NRG3: variants seen among roughly 807,000 people sequenced by gnomAD.
NRG3 encodes the protein pro-neuregulin-3, membrane-bound isoform.
In NRG3, 31 loss-of-function variants were observed where a neutral mutation model predicts 66.9. That is an observed-to-expected ratio of 0.46 (90% confidence interval 0.35 to 0.63). NRG3 has a LOEUF of 0.63. NRG3 is among the 20% of genes least tolerant of loss of function. NRG3 has a pLI of 0.00. For synonymous variants in NRG3, 393 were observed against 359.4 expected (o/e 1.09, Z -1.06); for missense variants, 910 against 878.9 (o/e 1.04, Z -0.45).
intron 2 of NRG3, among the ~76,000 whole-genome samples, chr10:82,465,828 A>G (rs1467720109): frequency 6.6e-6 from 1 of 152,152 alleles, no homozygotes; most frequent in Non-Finnish European, 1.5e-5. Context: ...AATACCTTTA[A>G]AATGGGCTTA....
chr10:82,900,716 C>A (rs1297309779), intron 4 of NRG3, among the ~76,000 whole-genome samples: 1 of 152,066 alleles, frequency 6.6e-6, no homozygotes, highest in Non-Finnish European at 1.5e-5. Context: ...GAAAATGAGA[C>A]CCAGACACAC....
chr10:82,808,460 T>C (rs1378371468), intron 3 of NRG3, among the ~76,000 whole-genome samples: 1 of 152,212 alleles, frequency 6.6e-6, no homozygotes, highest in Admixed American at 6.5e-5. Flanking sequence ...AGTGACATTA[T>C]GTAATTAAAC....
At chr10:81,921,507 T>G (rs1326320461) in intron 1 of NRG3, among the ~76,000 whole-genome samples, 1 of 152,140 alleles carries the variant, frequency 6.6e-6, no homozygotes, top group Non-Finnish European at 1.5e-5. Context: ...ACTTGTTAAG[T>G]AAGACTTTCC....
At chr10:82,110,877 T>C (rs2067344969) in intron 1 of NRG3, among the ~76,000 whole-genome samples, 1 of 152,092 alleles carries the variant, frequency 6.6e-6, no homozygotes, top group African/African-American at 2.4e-5. Context: ...ATAGTTGTTA[T>C]TGAAAGCCAT....
chr10:81,993,569 A>G (rs113134785), intron 1 of NRG3, among the ~76,000 whole-genome samples: 2 of 151,934 alleles, frequency 1.3e-5, no homozygotes, highest in African/African-American at 4.8e-5. Context: ...TTGGCCTTGA[A>G]CTCCTGGCCT....
chr10:82,956,041 G>A lies in NRG3; in HGVS notation c.1158-2908G>A, dbSNP rs551707671. Among the ~76,000 whole-genome samples, 15 of 151,878 alleles carry A rather than the reference G, an allele frequency of 9.9e-5. No homozygotes were observed. In the South Asian group the frequency reaches 2.9e-3, roughly 29 times the overall value. Reference sequence around the variant, plus strand: ...AATTCTGCTTCCATTTCTTCCCTTTGCTTCCACAGGTGTTGATACCAAGAG... The same window carrying A: ...AATTCTGCTTCCATTTCTTCCCTTTACTTCCACAGGTGTTGATACCAAGAG... On this transcript the variant is annotated intron_variant, in intron 5 of 8. Coordinates refer to ENST00000372141, the MANE Select transcript of NRG3 (RefSeq NM_001010848.4).
In NRG3 at chr10:82,602,935, A is replaced by G. The variant is rs139200662; in HGVS notation, c.954-135642A>G. ...CTAAGGAGACAATGAGACTCAACCA[A>G]TTCCAGTTTGCATGTGGCAAAATAA... is the stretch of plus-strand genomic sequence containing the variant. On this transcript the variant is annotated intron_variant, in intron 2 of 8. Coordinates refer to ENST00000372141, the MANE Select transcript of NRG3 (RefSeq NM_001010848.4). Among the ~76,000 whole-genome samples, 108 of 152,316 alleles carry G rather than the reference A, an allele frequency of 7.1e-4. No individual in the cohort carries two copies. The Middle Eastern group carries it at 0.014, about 19-fold the overall frequency.
At chr10:82,216,118 A>T (rs1188027960) in intron 1 of NRG3, among the ~76,000 whole-genome samples, 1 of 151,300 alleles carries the variant, frequency 6.6e-6, no homozygotes, top group Admixed American at 6.6e-5. Flanking sequence ...GATTACAGGC[A>T]CACACTGCAC....
At chr10:82,314,462 A>T (rs72827334) in intron 1 of NRG3, among the ~76,000 whole-genome samples, 15,931 of 148,686 alleles carry the variant, frequency 0.11, 1,067 homozygotes, top group Non-Finnish European at 0.16. Flanking sequence ...TTTAAAATTT[A>T]AAAAAAAAAT....
intron 1 of NRG3, chr10:82,232,923 G>A (rs867746605): frequency 1.4e-6 from 1 of 691,674 alleles, no homozygotes; most frequent in African/African-American, 1.8e-5. Context: ...CAGAATTTGG[G>A]AAACAGGAGT....
chr10:82,929,031 CAGA>C (rs1306181473), intron 4 of NRG3, among the ~76,000 whole-genome samples: 3 of 152,152 alleles, frequency 2.0e-5, no homozygotes, highest in African/African-American at 7.2e-5. Context: ...ACCAATGTCT[CAGA>C]ATCATCAACA....
At chr10:82,066,087 A>AT (rs2064443373) in intron 1 of NRG3, among the ~76,000 whole-genome samples, 1 of 152,126 alleles carries the variant, frequency 6.6e-6, no homozygotes, top group African/African-American at 2.4e-5. Context: ...ATTTTGTTTC[A>AT]TTTTTAATTT....
intron 1 of NRG3, among the ~76,000 whole-genome samples, chr10:82,079,016 A>C (rs1392719877): frequency 6.6e-6 from 1 of 151,942 alleles, no homozygotes; most frequent in Non-Finnish European, 1.5e-5. Context: ...TGTTGATAAA[A>C]CGTGTTGTAT....
intron 1 of NRG3, among the ~76,000 whole-genome samples, chr10:82,268,484 T>C (rs1167287589): frequency 1.3e-5 from 2 of 152,168 alleles, no homozygotes; most frequent in Admixed American, 6.6e-5. Flanking sequence ...TTCTGAAATA[T>C]TCACCTTCCC....
Position 82,957,597 on chromosome 10 carries a change from A to G in NRG3, c.1158-1352A>G, listed in dbSNP as rs149966123. ...AGAACTATCACAAAAGTCTGTGAAA[A>G]CCGCAGCTTTGCATGAAGACTATTG... On this transcript the variant is annotated intron_variant, in intron 5 of 8. Transcript: ENST00000372141. Among the ~76,000 whole-genome samples, 651 of 151,986 alleles carry G rather than the reference A, an allele frequency of 4.3e-3. 15 individuals are homozygous for G. The highest frequency in any genetic ancestry group is 0.015 in the African/African-American group (629 of 41,266).
intron 7 of NRG3, 34 bp from the exon 8 acceptor site, chr10:82,978,916 T>C (rs1852568733): frequency 1.9e-6 from 3 of 1,603,994 alleles, no homozygotes; most frequent in East Asian, 2.2e-5. Context: ...GTCTTTTGTT[T>C]GTTTGTTTGT....
At chr10:82,185,662 A>G (rs1033840785) in intron 1 of NRG3, among the ~76,000 whole-genome samples, 1 of 152,218 alleles carries the variant, frequency 6.6e-6, no homozygotes, top group African/African-American at 2.4e-5. Flanking sequence ...AATTATTGGA[A>G]TGTATCTTTT....
At chr10:82,767,910 C>T (rs1001598481) in intron 3 of NRG3, among the ~76,000 whole-genome samples, 2 of 149,656 alleles carry the variant, frequency 1.3e-5, no homozygotes, top group Non-Finnish European at 1.5e-5. Context: ...ATCCTCTGTT[C>T]ATGTTTAAGA....
chr10:82,656,234 C>G (rs1261667821), intron 2 of NRG3, among the ~76,000 whole-genome samples: 1 of 151,164 alleles, frequency 6.6e-6, no homozygotes, highest in Non-Finnish European at 1.5e-5. Context: ...ATTGAAAAAT[C>G]TTTACATAAT....
Sources: allele counts gnomAD v4.1 joint callset (sites outside exome capture counted in the v4.1 genomes callset), GRCh38; gene constraint gnomAD v4.1.1; transcripts MANE v1.5; gene names NCBI Gene and HGNC (gene_info 2026-07-23, HGNC 2026-07-21).